Variants in DPP10 observed in about 807,000 individuals in gnomAD.
The protein encoded by DPP10 is dipeptidyl peptidase like 10.
Under a neutral mutation model 120.9 loss-of-function variants are expected in DPP10, and 33 were observed. The ratio of observed to expected loss-of-function variants is 0.27; its 90% CI spans 0.21 to 0.37. The LOEUF is 0.37. Ranked by LOEUF, DPP10 falls within the 10% of genes least tolerant of loss-of-function variation. The probability of loss-of-function intolerance (pLI) is 1.00; values close to 1 mark genes in which losing one functional copy is unlikely to be tolerated. For synonymous variants in DPP10, 337 were observed against 326.1 expected (o/e 1.03, Z -0.36); for missense variants, 816 against 942.8 (o/e 0.87, Z 1.76).
intron 1 of DPP10, among the ~76,000 whole-genome samples, chr2:115,157,165 T>C (rs924674213): frequency 6.6e-6 from 1 of 151,724 alleles, no homozygotes; most frequent in African/African-American, 2.4e-5. Context: ...TAATCTGCAT[T>C]GTTTTACTGT....
chr2:114,706,953 C>T (rs2105844012), intron 1 of DPP10, among the ~76,000 whole-genome samples: 1 of 152,158 alleles, frequency 6.6e-6, no homozygotes, highest in South Asian at 2.1e-4. Context: ...AATAATTTTT[C>T]TAATATTGGG....
intron 5 of DPP10, among the ~76,000 whole-genome samples, chr2:115,667,492 C>T (rs2089548138): frequency 1.3e-5 from 2 of 152,150 alleles, no homozygotes; most frequent in Non-Finnish European, 2.9e-5. Flanking sequence ...TCATTTAACT[C>T]TTTAATCCAT....
At chr2:114,668,061 A>G (rs1030838790) in intron 1 of DPP10, among the ~76,000 whole-genome samples, 62 of 151,966 alleles carry the variant, frequency 4.1e-4, no homozygotes, top group Non-Finnish European at 1.5e-5. Context: ...TCTAGCTTAT[A>G]AAGTATTGGT....
At chr2:115,250,925 A>T (rs1318310890) in intron 1 of DPP10, among the ~76,000 whole-genome samples, 1 of 152,222 alleles carries the variant, frequency 6.6e-6, no homozygotes, top group African/African-American at 2.4e-5. Context: ...TGCCACTGGA[A>T]AATGTTCAGA....
chr2:114,530,533 A>T (rs906909620), intron 1 of DPP10, among the ~76,000 whole-genome samples: 1 of 152,144 alleles, frequency 6.6e-6, no homozygotes, highest in Non-Finnish European at 1.5e-5. Context: ...ATTCAAAAAC[A>T]TTTAGTTGCT....
At chr2:115,715,761 T>C (rs965249955) in intron 7 of DPP10, among the ~76,000 whole-genome samples, 4 of 152,266 alleles carry the variant, frequency 2.6e-5, no homozygotes, top group African/African-American at 9.6e-5. Context: ...TTACATTTTC[T>C]TTATTAATAC....
At chr2:115,009,778 TA>T (rs1227383555) in intron 1 of DPP10, among the ~76,000 whole-genome samples, 1 of 152,120 alleles carries the variant, frequency 6.6e-6, no homozygotes. Context: ...AGTATAATTT[TA>T]AAAAAGTGAT....
intron 4 of DPP10, among the ~76,000 whole-genome samples, chr2:115,525,584 T>A (rs1252191551): frequency 6.6e-6 from 1 of 152,026 alleles, no homozygotes; most frequent in Non-Finnish European, 1.5e-5. Flanking sequence ...ATAAAAGCAT[T>A]TTGGTTACTC....
chr2:114,622,533 CT>C (rs1354469795), intron 1 of DPP10, among the ~76,000 whole-genome samples: 3 of 151,578 alleles, frequency 2.0e-5, no homozygotes, highest in Non-Finnish European at 4.4e-5. Context: ...TTCTGCTTTT[CT>C]TTGTAGGACT....
chr2:114,666,004 T>C (rs577771975), intron 1 of DPP10, among the ~76,000 whole-genome samples: 3 of 152,278 alleles, frequency 2.0e-5, no homozygotes, highest in South Asian at 2.1e-4. Context: ...GGTCAGAACC[T>C]CGAAAGGGAT....
intron 1 of DPP10, among the ~76,000 whole-genome samples, chr2:114,538,357 G>T (rs1211239954): frequency 1.3e-5 from 2 of 152,128 alleles, no homozygotes; most frequent in Non-Finnish European, 2.9e-5. Flanking sequence ...AATGTTAGGT[G>T]GCAAGGGTTT....
At position 115,207,416 on chromosome 2, in the gene DPP10, C is replaced by CAAAAAA. The variant is rs57462947; in HGVS notation, c.61-101798_61-101793dup. ...GGTTTTTAAAGAGTGCTTACTGCAC[C>CAAAAAA]AAAAAAAAAAAAAAAAAAAAAAAAA... On this transcript the variant is annotated intron_variant, in intron 1 of 25. Coordinates refer to ENST00000410059, the MANE Select transcript of DPP10 (RefSeq NM_020868.6). Among the ~76,000 whole-genome samples the CAAAAAA allele has an allele frequency of 1.7e-3, 90 of 52,292 alleles. 10 individuals carry two copies. Among genetic ancestry groups the CAAAAAA allele is most frequent in the East Asian group, 5.1e-3 (9 of 1,750 alleles). 34.3% of individuals were successfully genotyped at this position (52,292 alleles called of 152,430 possible).
At chr2:115,282,654 T>C (rs149109882) in intron 1 of DPP10, among the ~76,000 whole-genome samples, 3 of 152,250 alleles carry the variant, frequency 2.0e-5, no homozygotes, top group African/African-American at 7.2e-5. Context: ...AACTATAGTT[T>C]CTCACACCAT....
intron 7 of DPP10, among the ~76,000 whole-genome samples, chr2:115,705,575 C>T (rs1319141214): frequency 6.6e-6 from 1 of 151,920 alleles, no homozygotes; most frequent in Non-Finnish European, 1.5e-5. Flanking sequence ...TTGTATGATG[C>T]TCATTTCTAG....
chr2:114,973,847 G>C (rs1699568917), intron 1 of DPP10, among the ~76,000 whole-genome samples: 1 of 151,950 alleles, frequency 6.6e-6, no homozygotes, highest in Non-Finnish European at 1.5e-5. Context: ...TGACCCTACG[G>C]AGGCCTAGGC....
In DPP10 at chr2:114,989,129, G is replaced by T. The variant is rs560133779; in HGVS notation, c.61-320110G>T. Among the ~76,000 whole-genome samples, 3 of 152,260 alleles carry T rather than the reference G, an allele frequency of 2.0e-5. No homozygotes were observed. The East Asian group carries it at 5.8e-4, about 29-fold the overall frequency. ...TTATTCTAACTGGAAGGACTGAGGG[G>T]TGAGGTCAGGGCTGCTTTAAATGTT... On this transcript the variant is annotated intron_variant, in intron 1 of 25. Coordinates refer to ENST00000410059, the MANE Select transcript of DPP10 (RefSeq NM_020868.6).
At chr2:114,865,635 C>A (rs888685496) in intron 1 of DPP10, among the ~76,000 whole-genome samples, 3 of 152,140 alleles carry the variant, frequency 2.0e-5, no homozygotes, top group Non-Finnish European at 4.4e-5. Flanking sequence ...AATAGCGATT[C>A]TATTTGGCTG....
chr2:114,949,465 C>T (rs1697614866), intron 1 of DPP10, among the ~76,000 whole-genome samples: 1 of 152,170 alleles, frequency 6.6e-6, no homozygotes, highest in Non-Finnish European at 1.5e-5. Context: ...ATTAGCTAGG[C>T]TGTAAGACTT....
At chr2:115,837,624 A>C (rs1053985724) in intron 24 of DPP10, among the ~76,000 whole-genome samples, 2 of 152,174 alleles carry the variant, frequency 1.3e-5, no homozygotes, top group Non-Finnish European at 2.9e-5. Context: ...CAGTGGAGAA[A>C]TTTGACAAAC....
Sources: allele counts gnomAD v4.1 joint callset (sites outside exome capture counted in the v4.1 genomes callset), GRCh38; gene constraint gnomAD v4.1.1; transcripts MANE v1.5; gene names NCBI Gene and HGNC (gene_info 2026-07-23, HGNC 2026-07-21).